Variants in SNTB1 observed in about 807,000 individuals in gnomAD.
SNTB1 encodes the protein beta-1-syntrophin.
Under a neutral mutation model 48.9 loss-of-function variants are expected in SNTB1, and 36 were observed. The observed-to-expected ratio is 0.74, with a 90% CI of 0.56 to 0.97. The LOEUF (loss-of-function observed/expected upper bound fraction) is 0.97. SNTB1 is among the 50% of genes least tolerant of loss of function. SNTB1 has a pLI of 0.00. For missense variants in SNTB1, 786 were observed against 703.4 expected, an observed-to-expected ratio of 1.12 and a Z score of -1.33; for synonymous variants, 299 against 294.6, an observed-to-expected ratio of 1.01 and a Z score of -0.15.
intron 1 of SNTB1, among the ~76,000 whole-genome samples, chr8:120,714,986 C>T (rs192238718): frequency 5.0e-4 from 76 of 152,258 alleles, no homozygotes; most frequent in African/African-American, 1.5e-3. Flanking sequence ...TGTGAAAAGA[C>T]GAGCTACATA....
chr8:120,697,914 A>G (rs1433128770), intron 1 of SNTB1, among the ~76,000 whole-genome samples: 1 of 152,236 alleles, frequency 6.6e-6, no homozygotes, highest in African/African-American at 2.4e-5. Context: ...AGAAGGAATT[A>G]GGGAGCTGTA....
chr8:120,793,425 A>G (rs1035746067), intron 1 of SNTB1, among the ~76,000 whole-genome samples: 2 of 152,058 alleles, frequency 1.3e-5, no homozygotes, highest in Non-Finnish European at 2.9e-5. Context: ...TTTCCACAGC[A>G]GTTGCAGTAA....
At chr8:120,561,628 C>T (rs372160928) in intron 4 of SNTB1, among the ~76,000 whole-genome samples, 2 of 152,046 alleles carry the variant, frequency 1.3e-5, no homozygotes, top group African/African-American at 4.8e-5. Flanking sequence ...ATTAGTTCAA[C>T]GTATGTCCCA....
chr8:120,539,111 C>G, intron 6 of SNTB1, 142 bp from the exon 7 acceptor site: 1 of 606,022 alleles, frequency 1.7e-6, no homozygotes, highest in Non-Finnish European at 2.9e-6. Context: ...ATCACTGCCC[C>G]TCAATGAGAT....
At chr8:120,730,303 G>A (rs548154889) in intron 1 of SNTB1, among the ~76,000 whole-genome samples, 20 of 152,138 alleles carry the variant, frequency 1.3e-4, no homozygotes, top group African/African-American at 4.6e-4. Flanking sequence ...GGGATTTCAG[G>A]TGCACGCCAC....
At chr8:120,744,990 G>A (rs1309965144) in intron 1 of SNTB1, among the ~76,000 whole-genome samples, 1 of 152,070 alleles carries the variant, frequency 6.6e-6, no homozygotes, top group Non-Finnish European at 1.5e-5. Context: ...CTTTCTTGAT[G>A]TCCTGAGAGA....
At chr8:120,689,267 T>C (rs1011589532) in intron 2 of SNTB1, among the ~76,000 whole-genome samples, 1 of 152,180 alleles carries the variant, frequency 6.6e-6, no homozygotes, top group Non-Finnish European at 1.5e-5. Context: ...GCTGTGGCAT[T>C]TGTCATTGGT....
intron 1 of SNTB1, among the ~76,000 whole-genome samples, chr8:120,764,164 C>T (rs1391807919): frequency 6.6e-6 from 1 of 152,250 alleles, no homozygotes; most frequent in East Asian, 1.9e-4. Flanking sequence ...ATATTGGACT[C>T]TACAAAATGT....
chr8:120,719,938 A>C (rs1227761269), intron 1 of SNTB1, among the ~76,000 whole-genome samples: 1 of 152,216 alleles, frequency 6.6e-6, no homozygotes, highest in African/African-American at 2.4e-5. Flanking sequence ...TCGCCTTCCT[A>C]TTTGTAAAAT....
At chr8:120,565,835 C>G (rs974843266) in intron 4 of SNTB1, among the ~76,000 whole-genome samples, 1 of 152,114 alleles carries the variant, frequency 6.6e-6, no homozygotes, top group Non-Finnish European at 1.5e-5. Context: ...CCAATGCAAA[C>G]GTATTAAGAG....
At chr8:120,644,255 G>A (rs1444110351) in intron 2 of SNTB1, among the ~76,000 whole-genome samples, 2 of 150,828 alleles carry the variant, frequency 1.3e-5, no homozygotes, top group African/African-American at 4.9e-5. Context: ...CTGGTGTGCT[G>A]CACCCACTAA....
chr8:120,692,586 A>G (rs1818147346), intron 2 of SNTB1, among the ~76,000 whole-genome samples: 4 of 152,216 alleles, frequency 2.6e-5, no homozygotes, highest in African/African-American at 9.6e-5. Context: ...TGCATTCCTT[A>G]TAATTGCCAT....
At chr8:120,668,740 C>T (rs772261245) in intron 2 of SNTB1, among the ~76,000 whole-genome samples, 6 of 152,206 alleles carry the variant, frequency 3.9e-5, no homozygotes, top group Non-Finnish European at 5.9e-5. Context: ...AACATCACCA[C>T]TAATTTTGCA....
intron 6 of SNTB1, 36 bp downstream of exon 6, chr8:120,541,774 T>C: frequency 6.9e-7 from 1 of 1,456,712 alleles, no homozygotes; most frequent in Non-Finnish European, 9.4e-7. Context: ...AATATTAATA[T>C]ATGAAATCAC....
chr8:120,604,568 A>G (rs1434749371), intron 3 of SNTB1, among the ~76,000 whole-genome samples: 1 of 151,140 alleles, frequency 6.6e-6, no homozygotes, highest in African/African-American at 2.4e-5. Flanking sequence ...ATTCTGCCTC[A>G]GCCTCTCAGG....
intron 2 of SNTB1, among the ~76,000 whole-genome samples, chr8:120,680,252 T>C (rs1817908452): frequency 6.6e-6 from 1 of 152,198 alleles, no homozygotes; most frequent in Admixed American, 6.5e-5. Flanking sequence ...AACTTACTTG[T>C]AGATATTCCC....
chr8:120,717,429 C>T (rs564240068), intron 1 of SNTB1, among the ~76,000 whole-genome samples: 7 of 152,318 alleles, frequency 4.6e-5, no homozygotes, highest in African/African-American at 1.7e-4. Context: ...TTGGGTGACT[C>T]CAGTGGCCTA....
chr8:120,699,618 C>A (rs976608687), intron 1 of SNTB1, among the ~76,000 whole-genome samples: 2 of 152,206 alleles, frequency 1.3e-5, no homozygotes, highest in African/African-American at 4.8e-5. Flanking sequence ...CCAATTAAAC[C>A]TCTTTCCTTT....
chr8:120,729,123 C>T (rs1419864630), intron 1 of SNTB1, among the ~76,000 whole-genome samples: 1 of 152,084 alleles, frequency 6.6e-6, no homozygotes, highest in South Asian at 2.1e-4. Context: ...GGACTTCAGA[C>T]ACAAGCCATT....
Sources: allele counts gnomAD v4.1 joint callset (sites outside exome capture counted in the v4.1 genomes callset), GRCh38; gene constraint gnomAD v4.1.1; transcripts MANE v1.5; gene names NCBI Gene and HGNC (gene_info 2026-07-23, HGNC 2026-07-21).